Variants in MAGI3 observed in about 807,000 individuals in gnomAD.
MAGI3 encodes the protein membrane-associated guanylate kinase, WW and PDZ domain-containing protein 3.
Under a neutral mutation model 121.8 loss-of-function variants are expected in MAGI3, and 43 were observed. The ratio of observed to expected loss-of-function variants is 0.35; its 90% confidence interval spans 0.28 to 0.46. The LOEUF is 0.46. MAGI3 is among the 20% of genes least tolerant of loss of function. The probability of loss-of-function intolerance (pLI) is 1.00; values close to 1 mark genes in which losing one functional copy is unlikely to be tolerated. For missense variants in MAGI3, 1,547 were observed against 1,797.3 expected (o/e 0.86, Z 2.52); for synonymous variants, 553 against 639.3 (o/e 0.86, Z 2.04).
At chr1:113,566,768 A>C (rs1323777407) in intron 2 of MAGI3, among the ~76,000 whole-genome samples, 3 of 152,100 alleles carry the variant, frequency 2.0e-5, no homozygotes, top group Non-Finnish European at 4.4e-5. Context: ...CAACATACTA[A>C]AACTTATGGA....
chr1:113,435,116 G>T (rs116074407), intron 1 of MAGI3, among the ~76,000 whole-genome samples: 3,545 of 152,026 alleles, frequency 0.023, 132 homozygotes, highest in African/African-American at 0.081. Flanking sequence ...TTTGTCCCCC[G>T]TTAGCAGTAT....
chr1:113,628,371 C>T (rs1374645145), intron 9 of MAGI3, among the ~76,000 whole-genome samples: 2 of 151,970 alleles, frequency 1.3e-5, no homozygotes, highest in African/African-American at 2.4e-5. Context: ...CTCTTTATGT[C>T]TTATTGTACT....
chr1:113,417,256 C>G (rs1652500011), intron 1 of MAGI3, among the ~76,000 whole-genome samples: 1 of 152,064 alleles, frequency 6.6e-6, no homozygotes, highest in African/African-American at 2.4e-5. Flanking sequence ...CCTGGTTCCT[C>G]CCTGTAGGTT....
intron 1 of MAGI3, among the ~76,000 whole-genome samples, chr1:113,514,080 A>G (rs1657760418): frequency 6.6e-6 from 1 of 152,114 alleles, no homozygotes; most frequent in Non-Finnish European, 1.5e-5. Context: ...ATGAGATACC[A>G]TCTCACACCA....
intron 1 of MAGI3, among the ~76,000 whole-genome samples, chr1:113,543,841 C>G (rs1659405302): frequency 6.6e-6 from 1 of 150,596 alleles, no homozygotes; most frequent in East Asian, 1.9e-4. Context: ...GCATTCCAGC[C>G]TGGTTGACAG....
chr1:113,514,465 G>A (rs948690372), intron 1 of MAGI3, among the ~76,000 whole-genome samples: 3 of 152,016 alleles, frequency 2.0e-5, no homozygotes, highest in Admixed American at 6.6e-5. Context: ...ATGAGTTCAT[G>A]TCCTTTGTAG....
chr1:113,662,432 T>TA (rs772141972), intron 16 of MAGI3, among the ~76,000 whole-genome samples: 12 of 151,544 alleles, frequency 7.9e-5, no homozygotes, highest in East Asian at 5.8e-4. Context: ...CTGCTTACTG[T>TA]AAAAAAAAAC....
At chr1:113,557,142 C>T (rs905988088) in intron 2 of MAGI3, among the ~76,000 whole-genome samples, 12 of 151,588 alleles carry the variant, frequency 7.9e-5, no homozygotes, top group East Asian at 1.9e-4. Context: ...GACAAGGGAG[C>T]GTCCCCCCAG....
intron 16 of MAGI3, 119 bp downstream of exon 16, chr1:113,659,384 G>T: frequency 1.2e-6 from 1 of 841,508 alleles, no homozygotes; most frequent in Non-Finnish European, 1.8e-6. Context: ...GTGTATGCAC[G>T]CTGGAGTCTT....
At chr1:113,521,469 G>A (rs947106209) in intron 1 of MAGI3, among the ~76,000 whole-genome samples, 62 of 148,740 alleles carry the variant, frequency 4.2e-4, no homozygotes, top group African/African-American at 2.7e-4. Context: ...GTGTAGTGGC[G>A]TGATCTCAGC....
chr1:113,557,468 G>A (rs1660043659), intron 2 of MAGI3, among the ~76,000 whole-genome samples: 1 of 151,986 alleles, frequency 6.6e-6, no homozygotes, highest in Admixed American at 6.5e-5. Context: ...CTTTAAGCGG[G>A]ACTCTGATCC....
intron 1 of MAGI3, among the ~76,000 whole-genome samples, chr1:113,458,545 C>T (rs998387687): frequency 6.6e-6 from 1 of 152,166 alleles, no homozygotes; most frequent in Admixed American, 6.5e-5. Flanking sequence ...GTATCTCACT[C>T]TGTTGCCCAG....
chr1:113,552,388 C>CT (rs1049252687), intron 2 of MAGI3, among the ~76,000 whole-genome samples: 5 of 152,106 alleles, frequency 3.3e-5, no homozygotes, highest in African/African-American at 4.8e-5. Context: ...AGTCAACTAT[C>CT]TAACTGTTTT....
At chr1:113,494,289 C>T (rs776735914) in intron 1 of MAGI3, among the ~76,000 whole-genome samples, 4 of 152,080 alleles carry the variant, frequency 2.6e-5, no homozygotes, top group Non-Finnish European at 4.4e-5. Context: ...CATGTTCTCA[C>T]GTACAAGTGG....
chr1:113,428,109 T>C (rs1161494161), intron 1 of MAGI3, among the ~76,000 whole-genome samples: 1 of 152,198 alleles, frequency 6.6e-6, no homozygotes, highest in African/African-American at 2.4e-5. Flanking sequence ...TTTCACTCTC[T>C]TAATGGTATC....
intron 1 of MAGI3, among the ~76,000 whole-genome samples, chr1:113,411,963 T>A (rs936588263): frequency 2.0e-5 from 3 of 152,180 alleles, no homozygotes; most frequent in Admixed American, 2.0e-4. Flanking sequence ...CCATGTTGGT[T>A]TGTTGCACCC....
chr1:113,426,879 A>G (rs2101404710), intron 1 of MAGI3, among the ~76,000 whole-genome samples: 1 of 152,070 alleles, frequency 6.6e-6, no homozygotes, highest in South Asian at 2.1e-4. Flanking sequence ...GACCATTTAC[A>G]TTTAAGGTAA....
intron 1 of MAGI3, among the ~76,000 whole-genome samples, chr1:113,470,193 G>A (rs1426480902): frequency 6.6e-6 from 1 of 150,484 alleles, no homozygotes; most frequent in Non-Finnish European, 1.5e-5. Flanking sequence ...TCTCTTGCTT[G>A]CTCAGTCTGA....
intron 2 of MAGI3, among the ~76,000 whole-genome samples, chr1:113,559,334 G>A (rs780359195): frequency 6.6e-6 from 1 of 152,146 alleles, no homozygotes; most frequent in Non-Finnish European, 1.5e-5. Flanking sequence ...ACACACATAG[G>A]CTCAAAATAA....
Sources: gnomAD v4.1 joint callset for allele counts (sites outside exome capture counted in the v4.1 genomes callset) on GRCh38, gnomAD v4.1.1 for gene constraint, MANE v1.5 for transcripts, NCBI Gene and HGNC (gene_info 2026-07-23, HGNC 2026-07-21) for gene names.